Variants in CWC27 observed in about 807,000 individuals in gnomAD.
The protein encoded by CWC27 is CWC27 spliceosome associated cyclophilin.
Under a neutral mutation model 63.6 loss-of-function variants are expected in CWC27, and 47 were observed. The ratio of observed to expected loss-of-function variants is 0.74; its 90% confidence interval spans 0.58 to 0.94. The LOEUF (loss-of-function observed/expected upper bound fraction) is 0.94. CWC27 is among the 40% of genes least tolerant of loss of function. The pLI is 0.00. For synonymous variants in CWC27, 175 were observed against 179.8 expected (o/e 0.97, Z 0.22); for missense variants, 495 against 554.3 (o/e 0.89, Z 1.07).
At chr5:64,856,498 T>C (rs1746263758) in intron 10 of CWC27, among the ~76,000 whole-genome samples, 1 of 146,148 alleles carries the variant, frequency 6.8e-6, no homozygotes, top group Non-Finnish European at 1.5e-5. Context: ...ATGTGTGTAG[T>C]TCCCAAATTT....
chr5:64,828,581 G>A (rs747613179), intron 10 of CWC27, among the ~76,000 whole-genome samples: 1 of 151,878 alleles, frequency 6.6e-6, no homozygotes, highest in African/African-American at 2.4e-5. Context: ...CCTCTCTTGG[G>A]CCTCTTTTAT....
In CWC27 at chr5:64,980,697, C is replaced by T. The variant is rs1749317845; in HGVS notation, c.1256+3459C>T. On this transcript the variant is annotated intron_variant, in intron 13 of 13. Transcript: ENST00000381070. ...TTCTCTCCCCTCCGTCACTTTCTTCCATAGTACATACGGTATTTAGTATTA... is the reference window on the plus strand; with the variant it reads ...TTCTCTCCCCTCCGTCACTTTCTTCTATAGTACATACGGTATTTAGTATTA... 3.3e-5 allele frequency among the ~76,000 whole-genome samples: 5 copies of T among 152,224 alleles called. No homozygotes were observed. The South Asian group carries it at 1.0e-3, about 32-fold the overall frequency.
intron 11 of CWC27, among the ~76,000 whole-genome samples, chr5:64,931,720 A>C (rs116643768): frequency 1.4e-4 from 21 of 151,990 alleles, no homozygotes; most frequent in Non-Finnish European, 2.6e-4. Flanking sequence ...GCATGTGTAT[A>C]TAGCCACTAA....
chr5:64,870,059 A>G (rs1216128747), intron 10 of CWC27, among the ~76,000 whole-genome samples: 2 of 152,116 alleles, frequency 1.3e-5, no homozygotes, highest in African/African-American at 4.8e-5. Context: ...GCCATATGCA[A>G]GAGCTGAATA....
intron 10 of CWC27, among the ~76,000 whole-genome samples, chr5:64,879,134 G>A (rs929844647): frequency 1.3e-5 from 2 of 151,952 alleles, no homozygotes; most frequent in Non-Finnish European, 2.9e-5. Context: ...GTAAGTAAGC[G>A]AGTGATAACT....
chr5:64,990,631 T>C (rs1188717757), intron 13 of CWC27, among the ~76,000 whole-genome samples: 4 of 152,206 alleles, frequency 2.6e-5, no homozygotes, highest in Non-Finnish European at 5.9e-5. Context: ...GTATAGGAAA[T>C]TGTATTATCT....
intron 11 of CWC27, among the ~76,000 whole-genome samples, chr5:64,966,873 C>G (rs1230622994): frequency 2.0e-5 from 3 of 150,876 alleles, no homozygotes; most frequent in Middle Eastern, 3.4e-3. Context: ...TGAAATTTTT[C>G]CATAATAAAA....
chr5:64,912,843 A>G (rs1268310232), intron 11 of CWC27, among the ~76,000 whole-genome samples: 2 of 152,194 alleles, frequency 1.3e-5, no homozygotes, highest in Admixed American at 1.3e-4. Context: ...CATAATTTAA[A>G]ACTCCCAAAT....
At chr5:64,856,006 T>G (rs1195627677) in intron 10 of CWC27, among the ~76,000 whole-genome samples, 1 of 151,694 alleles carries the variant, frequency 6.6e-6, no homozygotes, top group African/African-American at 2.4e-5. Context: ...TTAAGGGGAG[T>G]GTTATTAGCA....
intron 10 of CWC27, among the ~76,000 whole-genome samples, chr5:64,853,281 T>C (rs914700087): frequency 1.3e-5 from 2 of 152,198 alleles, no homozygotes; most frequent in African/African-American, 4.8e-5. Flanking sequence ...TTGACTTGAA[T>C]CATGAACCTC....
At chr5:64,921,065 G>C (rs1475454596) in intron 11 of CWC27, among the ~76,000 whole-genome samples, 1 of 151,980 alleles carries the variant, frequency 6.6e-6, no homozygotes, top group Non-Finnish European at 1.5e-5. Context: ...CTAACTTCTT[G>C]TTGTAGCTGT....
intron 11 of CWC27, among the ~76,000 whole-genome samples, chr5:64,893,869 A>G (rs760961118): frequency 2.0e-5 from 3 of 151,474 alleles, no homozygotes; most frequent in African/African-American, 7.3e-5. Context: ...TGCTCTATTT[A>G]TATTTGTTAC....
chr5:64,787,458 GAAAGT>G (rs1743927813), intron 6 of CWC27, among the ~76,000 whole-genome samples: 1 of 151,960 alleles, frequency 6.6e-6, no homozygotes, highest in African/African-American at 2.4e-5. Flanking sequence ...AGTATAAATA[GAAAGT>G]AAAGTATAAA....
intron 11 of CWC27, among the ~76,000 whole-genome samples, chr5:64,894,884 G>T (rs1277318946): frequency 3.9e-5 from 6 of 152,172 alleles, no homozygotes; most frequent in Non-Finnish European, 8.8e-5. Flanking sequence ...AAGGTAGCGA[G>T]GGTCTAACAA....
In CWC27 at chr5:64,885,414, A is replaced by G. The variant is rs776406750; in HGVS notation, c.939-29A>G. The stretch of plus-strand genomic sequence containing the variant: ...ACAACTTTTACTCTCAATATATTAT[A>G]TACTTATATAACTCTTTTTGCTTTA... On this transcript the variant is annotated intron_variant, in intron 10 of 13. Coordinates refer to ENST00000381070, the MANE Select transcript of CWC27 (RefSeq NM_005869.4). The G allele has an allele frequency of 6.8e-6, 10 of 1,467,002 alleles. No individual in the cohort carries two copies. The African/African-American group carries it at 1.3e-4, about 19-fold the overall frequency. The allele number at this position is 1,467,002 out of a possible 1,614,324, so 90.9% of individuals were successfully genotyped here.
chr5:64,920,526 GA>G (rs1239706702), intron 11 of CWC27, among the ~76,000 whole-genome samples: 1 of 152,114 alleles, frequency 6.6e-6, no homozygotes, highest in African/African-American at 2.4e-5. Context: ...TCAATTTTTG[GA>G]AAAGGTACTA....
chr5:64,971,093 CTG>C (rs1048221767), intron 11 of CWC27, among the ~76,000 whole-genome samples: 12 of 151,966 alleles, frequency 7.9e-5, no homozygotes, highest in Admixed American at 4.6e-4. Flanking sequence ...TGAGGCAAAA[CTG>C]TGTTTTATGA....
At chr5:64,850,006 G>T (rs1055702546) in intron 10 of CWC27, among the ~76,000 whole-genome samples, 1 of 152,018 alleles carries the variant, frequency 6.6e-6, no homozygotes, top group Non-Finnish European at 1.5e-5. Context: ...TGGATTTAAT[G>T]CAATCACTAT....
chr5:64,851,056 T>C (rs1320283435), intron 10 of CWC27, among the ~76,000 whole-genome samples: 1 of 152,208 alleles, frequency 6.6e-6, no homozygotes, highest in Non-Finnish European at 1.5e-5. Flanking sequence ...GATATTCACC[T>C]AAACGATTTG....
Sources: allele counts gnomAD v4.1 joint callset (sites outside exome capture counted in the v4.1 genomes callset), GRCh38; gene constraint gnomAD v4.1.1; transcripts MANE v1.5; gene names NCBI Gene and HGNC (gene_info 2026-07-23, HGNC 2026-07-21).